Variants in DSCAM observed in about 807,000 individuals in gnomAD.
The protein encoded by DSCAM is DS cell adhesion molecule, also known as cell adhesion molecule DSCAM.
DSCAM carries 47 observed loss-of-function variants against 217.7 expected under a neutral mutation model. The observed-to-expected ratio is 0.22, with a 90% CI of 0.17 to 0.28. The LOEUF is 0.28. Ranked by LOEUF, DSCAM falls within the 10% of genes least tolerant of loss-of-function variation. DSCAM has a pLI of 1.00. For synonymous variants in DSCAM, 1,056 were observed against 1,015.3 expected, an observed-to-expected ratio of 1.04 and a Z score of -0.76; for missense variants, 2,080 against 2,618.3, an observed-to-expected ratio of 0.79 and a Z score of 4.49.
rs550849207 is a variant in DSCAM, at chr21:40,053,517, C to T, written c.5036-1410G>A. On this transcript the variant is annotated intron_variant, in intron 29 of 32. Transcript: ENST00000400454. ...ATGATCTGCGGGGCTAGGTTACACA[C>T]TTTTCATGGAAAATTTTGGGCGCCT... 4.6e-5 allele frequency among the ~76,000 whole-genome samples: 7 copies of T among 152,330 alleles called. No homozygotes were observed. In the East Asian group the frequency reaches 1.4e-3, roughly 29 times the overall value.
At chr21:40,644,431 G>T (rs2089919335) in intron 3 of DSCAM, among the ~76,000 whole-genome samples, 1 of 152,190 alleles carries the variant, frequency 6.6e-6, no homozygotes, top group East Asian at 1.9e-4. Context: ...CAAGAAAACA[G>T]CAGGTTCGGC....
At chr21:40,355,062 G>A (rs1047818747) in intron 4 of DSCAM, among the ~76,000 whole-genome samples, 1 of 152,116 alleles carries the variant, frequency 6.6e-6, no homozygotes, top group Admixed American at 6.5e-5. Flanking sequence ...GTGTCTTCCT[G>A]GAGCTCATGT....
intron 3 of DSCAM, among the ~76,000 whole-genome samples, chr21:40,377,793 C>T (rs2074978296): frequency 6.6e-6 from 1 of 152,032 alleles, no homozygotes; most frequent in African/African-American, 2.4e-5. Flanking sequence ...CAGTGTGGCG[C>T]TAAGAAAGCC....
At chr21:40,596,898 G>A (rs573197879) in intron 3 of DSCAM, among the ~76,000 whole-genome samples, 2 of 151,838 alleles carry the variant, frequency 1.3e-5, no homozygotes, top group Non-Finnish European at 2.9e-5. Flanking sequence ...ATGTTCCTCA[G>A]TATTCCAGAA....
At chr21:40,753,714 G>A (rs2091249877) in intron 1 of DSCAM, among the ~76,000 whole-genome samples, 1 of 152,142 alleles carries the variant, frequency 6.6e-6, no homozygotes, top group Non-Finnish European at 1.5e-5. Flanking sequence ...CTTTCCTATT[G>A]TAGAAATTAT....
At chr21:40,246,370 A>G (rs1169077758) in intron 11 of DSCAM, among the ~76,000 whole-genome samples, 1 of 143,922 alleles carries the variant, frequency 6.9e-6, no homozygotes, top group Non-Finnish European at 1.5e-5. Context: ...AAAAAAAAAA[A>G]AAAAAAAAAA....
chr21:40,474,121 G>A (rs958215324), intron 3 of DSCAM, among the ~76,000 whole-genome samples: 5 of 152,120 alleles, frequency 3.3e-5, no homozygotes, highest in African/African-American at 1.2e-4. Context: ...GGTGAAACCA[G>A]TTCTCTACTA....
intron 3 of DSCAM, among the ~76,000 whole-genome samples, chr21:40,575,187 G>A (rs191988494): frequency 6.6e-6 from 1 of 150,460 alleles, no homozygotes; most frequent in East Asian, 2.0e-4. Context: ...GGCTCAAAAA[G>A]CTCCCCCACT....
At chr21:40,348,947 C>T (rs919342510) in intron 5 of DSCAM, among the ~76,000 whole-genome samples, 1 of 151,502 alleles carries the variant, frequency 6.6e-6, no homozygotes, top group Non-Finnish European at 1.5e-5. Context: ...GGAGACCATC[C>T]TGGCTAACAC....
intron 2 of DSCAM, among the ~76,000 whole-genome samples, chr21:40,698,356 A>G (rs141711179): frequency 6.6e-6 from 1 of 152,166 alleles, no homozygotes; most frequent in Non-Finnish European, 1.5e-5. Flanking sequence ...AAAAGGGAAG[A>G]AAGTTTTGTT....
intron 3 of DSCAM, among the ~76,000 whole-genome samples, chr21:40,433,387 G>C (rs1387222688): frequency 6.7e-6 from 1 of 150,278 alleles, no homozygotes; most frequent in Non-Finnish European, 1.5e-5. Flanking sequence ...CAGCAGGCAG[G>C]CACCAGCTGC....
intron 1 of DSCAM, among the ~76,000 whole-genome samples, chr21:40,737,542 G>A (rs1323483680): frequency 2.0e-5 from 3 of 152,186 alleles, no homozygotes; most frequent in Non-Finnish European, 4.4e-5. Context: ...TCGGGAGGCT[G>A]AGGCAGGAGA....
At chr21:40,665,491 TC>T (rs1236609401) in intron 3 of DSCAM, among the ~76,000 whole-genome samples, 1 of 152,136 alleles carries the variant, frequency 6.6e-6, no homozygotes, top group South Asian at 2.1e-4. Flanking sequence ...CTTTCATTTT[TC>T]TTTAACCAAT....
At chr21:40,128,697 AAC>A (rs1432011974) in intron 19 of DSCAM, among the ~76,000 whole-genome samples, 8 of 134,502 alleles carry the variant, frequency 5.9e-5, no homozygotes, top group South Asian at 2.3e-4. Context: ...CTCATAACCA[AAC>A]AAAAAAAAAA....
intron 3 of DSCAM, among the ~76,000 whole-genome samples, chr21:40,663,285 G>A (rs553395758): frequency 6.6e-6 from 1 of 151,034 alleles, no homozygotes; most frequent in South Asian, 2.1e-4. Flanking sequence ...GTGTATATGT[G>A]TGTGTGTGTG....
rs116157569 is a variant in DSCAM at position 40,093,866 on chromosome 21, G to T, written c.3705C>A (p.Ser1235Arg). ...ACGAGTCGGGAGAGGCCTCAAACTC[G>T]CTGATCACCTGTAAAAAGAGACATA... ...FCSHPYPTVI[S>R]EFEASPDSFS... Residue 1235 changes from serine to arginine, a missense_variant, in exon 21 of 33, where the codon AGC (serine) becomes AGA (arginine). Physicochemically the swap from Ser to Arg is moderately radical, Grantham distance 110. This residue lies in a region of DSCAM where 1,144 missense variants were observed against 1,421.1 expected (regional missense o/e 0.81). Transcript: ENST00000400454. The T allele has an allele frequency of 1.2e-5, 19 of 1,613,278 alleles. No homozygotes were observed. The highest frequency in any genetic ancestry group is 3.4e-6 in the Non-Finnish European group (4 of 1,179,812).
intron 3 of DSCAM, among the ~76,000 whole-genome samples, chr21:40,435,795 G>T (rs2075577647): frequency 6.6e-6 from 1 of 152,058 alleles, no homozygotes; most frequent in African/African-American, 2.4e-5. Context: ...TTTGACTTAG[G>T]ATTTTTGCAC....
At chr21:40,394,520 G>A (rs963080334) in intron 3 of DSCAM, among the ~76,000 whole-genome samples, 1 of 152,294 alleles carries the variant, frequency 6.6e-6, no homozygotes, top group Middle Eastern at 3.4e-3. Context: ...CGTTTTAACC[G>A]CTTCCAGAGC....
chr21:40,521,536 C>A (rs1317782764), intron 3 of DSCAM, among the ~76,000 whole-genome samples: 8 of 151,534 alleles, frequency 5.3e-5, no homozygotes, highest in Admixed American at 5.3e-4. Flanking sequence ...TTTCATATAC[C>A]TGTTGTCCAT....
Sources: gnomAD v4.1 joint callset for allele counts (sites outside exome capture counted in the v4.1 genomes callset) on GRCh38, gnomAD v4.1.1 for gene constraint, gnomAD v4.1.1 regional missense constraint, MANE v1.5 for transcripts, NCBI Gene and HGNC (gene_info 2026-07-23, HGNC 2026-07-21) for gene names.